Variants in NFAT5 observed in about 807,000 individuals in gnomAD.
NFAT5 encodes nuclear factor of activated T cells 5, also known as nuclear factor of activated T-cells 5.
A neutral mutation model predicts 166.5 loss-of-function variants in NFAT5; 31 were observed. The ratio of observed to expected loss-of-function variants is 0.19; its 90% CI spans 0.14 to 0.25. NFAT5 has a LOEUF of 0.25. Ranked by LOEUF, NFAT5 falls within the 10% of genes least tolerant of loss-of-function variation. The pLI, the probability that NFAT5 is intolerant of heterozygous loss-of-function variation, is 1.00. For synonymous variants in NFAT5, 612 were observed against 639.7 expected (o/e 0.96, Z 0.65); for missense variants, 1,449 against 1,821.8 (o/e 0.80, Z 3.72).
Position 69,693,219 on chromosome 16 carries a change from C to A in NFAT5, c.3394C>A (p.Pro1132Thr). 1 of 1,614,184 alleles carries A rather than the reference C, an allele frequency of 6.2e-7. No homozygotes were observed. Among genetic ancestry groups the A allele is most frequent in the Non-Finnish European group, 8.5e-7 (1 of 1,180,024 alleles). The change falls in exon 13 of 15, where the codon CCT becomes ACT. Residue 1132 changes from proline (P) to threonine (T), a missense_variant. Pro to Thr is a conservative substitution (Grantham distance 38, BLOSUM62 -1). Around this residue, in one of 7 missense-constraint regions of NFAT5, gnomAD observed 891 missense variants for 993.0 expected, o/e 0.90. Coordinates refer to ENST00000349945, the MANE Select transcript of NFAT5 (RefSeq NM_138713.4). ...TACAACCTCCTCTGAACAAATGCAG[C>A]CTCCAATGTTTCACTCTCAAAGTAC... ...TSTTSSEQMQ[P>T]PMFHSQSTIA...
At chr16:69,571,913 C>G (rs2016462392) in intron 2 of NFAT5, among the ~76,000 whole-genome samples, 1 of 152,116 alleles carries the variant, frequency 6.6e-6, no homozygotes, top group South Asian at 2.1e-4. Context: ...GCGACTGCCA[C>G]CACGCCCGGC....
At chr16:69,687,789 A>G (rs1206502779) in intron 11 of NFAT5, among the ~76,000 whole-genome samples, 1 of 152,192 alleles carries the variant, frequency 6.6e-6, no homozygotes, top group Non-Finnish European at 1.5e-5. Context: ...CTTATCTGTA[A>G]ACATGGACAT....
chr16:69,629,788 T>TC (rs1206565294), intron 3 of NFAT5, among the ~76,000 whole-genome samples: 1 of 149,922 alleles, frequency 6.7e-6, no homozygotes, highest in African/African-American at 2.5e-5. Context: ...TTTTTTTTTT[T>TC]TTTAAGAGAC....
rs56221116 is a variant in NFAT5 at position 69,571,129 on chromosome 16, T to TAAAA, written c.127+2606_127+2609dup. The stretch of plus-strand genomic sequence containing the variant: ...TAACATGGTGAAACCCCATCTCTAC[T>TAAAA]AAAAAAAAAAAAAAAAAAAAAAAAA... On this transcript the variant is annotated intron_variant, in intron 2 of 14. Transcript: ENST00000349945. Among the ~76,000 whole-genome samples, 58 of 31,380 alleles carry TAAAA rather than the reference T, an allele frequency of 1.8e-3. 11 individuals are homozygous for TAAAA. Among genetic ancestry groups the TAAAA allele is most frequent in the Admixed American group, 3.7e-3 (7 of 1,904 alleles). The allele number at this position is 31,380 out of a possible 152,430, so 20.6% of individuals were successfully genotyped here.
At chr16:69,627,351 TA>T (rs1231182495) in intron 3 of NFAT5, among the ~76,000 whole-genome samples, 10 of 2,954 alleles carry the variant, frequency 3.4e-3, no homozygotes, top group African/African-American at 9.0e-3. Flanking sequence ...TATATATATA[TA>T]TATATATATA....
At chr16:69,612,001 T>C (rs1345865835) in intron 2 of NFAT5, among the ~76,000 whole-genome samples, 1 of 152,226 alleles carries the variant, frequency 6.6e-6, no homozygotes, top group Non-Finnish European at 1.5e-5. Flanking sequence ...ATGAGAATAT[T>C]TACTGAGCTG....
At chr16:69,675,255 A>T (rs2036786091) in intron 9 of NFAT5, among the ~76,000 whole-genome samples, 1 of 152,254 alleles carries the variant, frequency 6.6e-6, no homozygotes, top group Non-Finnish European at 1.5e-5. Flanking sequence ...AATTGCCAAG[A>T]AACAAGTTTT....
At chr16:69,685,009 C>T (rs750259049) in intron 11 of NFAT5, 39 bp downstream of exon 11, 7 of 1,419,590 alleles carry the variant, frequency 4.9e-6, no homozygotes, top group African/African-American at 1.4e-5. Context: ...TAATTGGGTG[C>T]TCCTGTATGT....
intron 3 of NFAT5, among the ~76,000 whole-genome samples, chr16:69,642,840 G>GAAAA (rs2035273865): frequency 6.8e-6 from 1 of 146,382 alleles, no homozygotes; most frequent in Non-Finnish European, 1.5e-5. Flanking sequence ...GAAAAGAAAA[G>GAAAA]AAAAAGGAAA....
intron 4 of NFAT5, among the ~76,000 whole-genome samples, chr16:69,651,758 C>T (rs1470707313): frequency 2.0e-5 from 3 of 151,448 alleles, no homozygotes; most frequent in Non-Finnish European, 4.4e-5. Context: ...GCAACCTGCA[C>T]CTCCTGGGTT....
chr16:69,693,876 G>A lies in NFAT5; in HGVS notation c.4051G>A (p.Val1351Ile), dbSNP rs2037660998. The A allele has an allele frequency of 1.2e-6, 2 of 1,614,056 alleles. No individual in the cohort carries two copies. Among genetic ancestry groups the A allele is most frequent in the Non-Finnish European group, 1.7e-6 (2 of 1,180,034 alleles). Residue 1351 changes from valine (V) to isoleucine (I), a missense_variant, in exon 13 of 15, where the codon GTT (valine) becomes ATT (isoleucine). Physicochemically the swap from Val to Ile is conservative, Grantham distance 29. Transcript: ENST00000349945. ...QPMQFQSQST[V>I]SSLQNPGPTQ... ...CATGCAATTTCAGAGTCAGTCCACA[G>A]TTTCCTCACTTCAGAACCCAGGTCC...
chr16:69,622,832 GAAAAAAAAAA>G (rs11347776), intron 2 of NFAT5, among the ~76,000 whole-genome samples: 1 of 144,382 alleles, frequency 6.9e-6, no homozygotes, highest in African/African-American at 2.5e-5. Context: ...TTTTGTTTGG[GAAAAAAAAAA>G]AAAAGAAAAA....
intron 6 of NFAT5, among the ~76,000 whole-genome samples, chr16:69,657,332 G>T (rs1031722381): frequency 6.6e-6 from 1 of 151,570 alleles, no homozygotes; most frequent in Non-Finnish European, 1.5e-5. Flanking sequence ...GTTTCACTGT[G>T]TAGGTCAAGC....
chr16:69,598,953 G>T (rs571819838), intron 2 of NFAT5, among the ~76,000 whole-genome samples: 4 of 150,792 alleles, frequency 2.7e-5, no homozygotes, highest in Non-Finnish European at 5.9e-5. Flanking sequence ...GGTGGAGGTT[G>T]CAGTGAGCTG....
intron 10 of NFAT5, among the ~76,000 whole-genome samples, chr16:69,678,312 T>A (rs1262812632): frequency 6.6e-6 from 1 of 151,492 alleles, no homozygotes; most frequent in Non-Finnish European, 1.5e-5. Context: ...CCTCCTGGGT[T>A]CAAGCTATTC....
chr16:69,611,474 T>C (rs1280143310), intron 2 of NFAT5, among the ~76,000 whole-genome samples: 1 of 152,236 alleles, frequency 6.6e-6, no homozygotes, highest in Admixed American at 6.5e-5. Context: ...GCAGATGTCT[T>C]AGTCTGTTTG....
chr16:69,685,052 CT>C, intron 11 of NFAT5, 82 bp downstream of exon 11: 1 of 832,556 alleles, frequency 1.2e-6, no homozygotes, highest in Non-Finnish European at 2.0e-6. Flanking sequence ...TTTGTTTTCT[CT>C]TAGGTACTTA....
intron 2 of NFAT5, among the ~76,000 whole-genome samples, chr16:69,612,297 G>A (rs1035227863): frequency 6.6e-6 from 1 of 152,056 alleles, no homozygotes; most frequent in African/African-American, 2.4e-5. Flanking sequence ...TGGAGAAGTA[G>A]GAAATAGATA....
intron 7 of NFAT5, among the ~76,000 whole-genome samples, chr16:69,667,238 G>A (rs2036426940): frequency 6.6e-6 from 1 of 150,744 alleles, no homozygotes; most frequent in Non-Finnish European, 1.5e-5. Flanking sequence ...CGAGTTAGTG[G>A]GTGCAGCACA....
Sources: allele counts gnomAD v4.1 joint callset (sites outside exome capture counted in the v4.1 genomes callset), GRCh38; gene constraint gnomAD v4.1.1; regional missense constraint gnomAD v4.1.1; transcripts MANE v1.5; gene names NCBI Gene and HGNC (gene_info 2026-07-23, HGNC 2026-07-21).